Variants in NFIB observed in about 807,000 individuals in gnomAD.
The protein encoded by NFIB is nuclear factor I B.
Under a neutral mutation model 61.5 loss-of-function variants are expected in NFIB, and 11 were observed. The observed-to-expected ratio is 0.18, with a 90% CI of 0.11 to 0.30. The LOEUF is 0.30. Ranked by LOEUF, NFIB falls within the 10% of genes least tolerant of loss-of-function variation. The pLI is 1.00. For synonymous variants in NFIB, 260 were observed against 216.5 expected, an observed-to-expected ratio of 1.20 and a Z score of -1.76; for missense variants, 471 against 608.9, an observed-to-expected ratio of 0.77 and a Z score of 2.38.
intron 2 of NFIB, among the ~76,000 whole-genome samples, chr9:14,191,962 T>C (rs1405990642): frequency 1.3e-5 from 2 of 152,062 alleles, no homozygotes; most frequent in Non-Finnish European, 2.9e-5. Context: ...AAACAAGAAA[T>C]CACATCATTA....
At chr9:14,263,062 G>A (rs2056914169) in intron 2 of NFIB, among the ~76,000 whole-genome samples, 1 of 152,150 alleles carries the variant, frequency 6.6e-6, no homozygotes. Flanking sequence ...ACTGCGGCAT[G>A]CACATATCCT....
At chr9:14,378,368 T>C (rs988811034) in intron 1 of NFIB, among the ~76,000 whole-genome samples, 17 of 152,220 alleles carry the variant, frequency 1.1e-4, no homozygotes, top group African/African-American at 3.6e-4. Flanking sequence ...TCGTTCTTTT[T>C]TTGTTTTGAG....
chr9:14,269,943 T>C (rs917869403), intron 2 of NFIB, among the ~76,000 whole-genome samples: 6 of 152,198 alleles, frequency 3.9e-5, no homozygotes, highest in African/African-American at 9.7e-5. Context: ...AATGGCAAGC[T>C]ATATATATTG....
At chr9:14,374,901 C>T (rs2061399969) in intron 1 of NFIB, among the ~76,000 whole-genome samples, 1 of 151,852 alleles carries the variant, frequency 6.6e-6, no homozygotes, top group South Asian at 2.1e-4. Context: ...CAGAGCTAGA[C>T]TCTGTCTCAA....
At chr9:14,420,682 C>T in the NFIB span, among the ~76,000 whole-genome samples, 1 of 151,992 alleles carries the variant, frequency 6.6e-6, no homozygotes, top group African/African-American at 2.4e-5. Flanking sequence ...AATCCAAGGG[C>T]CCAGAAAACC....
At chr9:14,400,125 A>T (rs2061728479), upstream of NFIB, among the ~76,000 whole-genome samples, 1 of 152,132 alleles carries the variant, frequency 6.6e-6, no homozygotes, top group Admixed American at 6.6e-5. Context: ...TATTGCAAGC[A>T]GCAGAATGCA....
the NFIB span, among the ~76,000 whole-genome samples, chr9:14,463,635 A>ACAT: frequency 6.7e-6 from 1 of 148,804 alleles, no homozygotes; most frequent in Non-Finnish European, 1.5e-5. Context: ...CGGATCATTT[A>ACAT]CATGACTGAA....
the NFIB span, among the ~76,000 whole-genome samples, chr9:14,425,991 A>G: frequency 6.6e-6 from 1 of 152,116 alleles, no homozygotes; most frequent in Non-Finnish European, 1.5e-5. Context: ...TCATAGGTCT[A>G]TGTCCTTTCT....
intron 10 of NFIB, among the ~76,000 whole-genome samples, chr9:14,103,290 T>A (rs961321820): frequency 2.6e-5 from 4 of 151,080 alleles, no homozygotes; most frequent in African/African-American, 9.7e-5. Flanking sequence ...GCAGATTTAT[T>A]GAAAAGATAT....
At chr9:14,210,722 T>C (rs56254800) in intron 2 of NFIB, among the ~76,000 whole-genome samples, 20,099 of 151,972 alleles carry the variant, frequency 0.13, 1,422 homozygotes, top group African/African-American at 0.19. Flanking sequence ...ATAAGTACAA[T>C]AGAAAACATC....
intron 1 of NFIB, among the ~76,000 whole-genome samples, chr9:14,379,808 G>A (rs533971593): frequency 9.9e-5 from 15 of 152,022 alleles, no homozygotes; most frequent in East Asian, 1.9e-4. Flanking sequence ...TCAGCCTCCC[G>A]AGTAGCTGGA....
chr9:14,307,387 C>G lies in NFIB; in HGVS notation c.164G>C (p.Arg55Thr). Residue 55 changes from arginine to threonine, a missense_variant, in exon 2 of 11, where the codon AGA becomes ACA. Arg to Thr is a moderately conservative substitution (Grantham distance 71, BLOSUM62 -1). Around this residue, in one of 2 missense-constraint regions of NFIB, gnomAD observed 99 missense variants for 213.3 expected, o/e 0.46. Coordinates refer to ENST00000380953, the MANE Select transcript of NFIB (RefSeq NM_001190737.2). This position sits in a 1 kb window ranked among gnomAD's most constrained non-coding sequence, Gnocchi z 5.3. ...ACTGAGAAGCTCATCTTTGACTGCT[C>G]TTTCTTCATCCTTTGACATTCGCTT... ...HEKRMSKDEE[R>T]AVKDELLSEK... The G allele has an allele frequency of 6.2e-7, 1 of 1,614,034 alleles. No individual in the cohort carries two copies. Among genetic ancestry groups the G allele is most frequent in the Non-Finnish European group, 8.5e-7 (1 of 1,180,002 alleles).
At chr9:14,438,099 T>C in the NFIB span, among the ~76,000 whole-genome samples, 2 of 129,778 alleles carry the variant, frequency 1.5e-5, no homozygotes, top group African/African-American at 5.7e-5. Flanking sequence ...TGGTGGGGGG[T>C]AGATGAGGGG....
intron 6 of NFIB, among the ~76,000 whole-genome samples, chr9:14,144,583 T>C (rs907290962): frequency 1.3e-5 from 2 of 152,160 alleles, no homozygotes; most frequent in South Asian, 2.1e-4. Context: ...ACGCACCAAG[T>C]GTGTGTTAAG....
At chr9:14,107,090 G>C (rs1266369927) in intron 10 of NFIB, among the ~76,000 whole-genome samples, 1 of 151,892 alleles carries the variant, frequency 6.6e-6, no homozygotes, top group Admixed American at 6.6e-5. Flanking sequence ...TTTTTAAGGG[G>C]TGAAGGCTCT....
chr9:14,097,875 C>CTTTTTTTTTTTTTTT lies in NFIB; in HGVS notation c.1468-9564_1468-9550dup, dbSNP rs71321962. On this transcript the variant is annotated intron_variant, in intron 10 of 10. Transcript: ENST00000380953. ...CTTTTTTTTTCTTTCTTTCTTTTTT[C>CTTTTTTTTTTTTTTT]TTTTTTTTTTTTTTTTTTGCCCTCC... Among the ~76,000 whole-genome samples, 161 of 110,836 alleles carry CTTTTTTTTTTTTTTT rather than the reference C, an allele frequency of 1.5e-3. 1 individual carries two copies. Among genetic ancestry groups the CTTTTTTTTTTTTTTT allele is most frequent in the African/African-American group, 1.7e-3 (49 of 29,484 alleles). 72.7% of individuals were successfully genotyped at this position (110,836 alleles called of 152,430 possible).
chr9:14,510,096 A>G, the NFIB span, among the ~76,000 whole-genome samples: 3 of 152,296 alleles, frequency 2.0e-5, no homozygotes, highest in African/African-American at 7.2e-5. Context: ...GGATTTCACC[A>G]TATTGGCCAG....
At position 14,313,265 on chromosome 9, in the gene NFIB, G is replaced by A. The variant is rs1287685463; in HGVS notation, c.30+217C>T. On this transcript the variant is annotated intron_variant, in intron 1 of 10. Transcript: ENST00000380953. The surrounding 1 kb of genome is among the most constrained non-coding windows in gnomAD (Gnocchi z 4.5). ...TTGCCCGGCCCAGCGCCCGCGCTCCGTGCCCAGGGCGCGGGGCTGGGCGCT... is the reference window on the plus strand; with the variant it reads ...TTGCCCGGCCCAGCGCCCGCGCTCCATGCCCAGGGCGCGGGGCTGGGCGCT... 1.3e-5 allele frequency among the ~76,000 whole-genome samples: 2 copies of A among 151,424 alleles called. No individual in the cohort carries two copies. The highest frequency in any genetic ancestry group is 2.9e-5 in the Non-Finnish European group (2 of 67,848).
chr9:14,177,417 T>C (rs1041076151), intron 3 of NFIB, among the ~76,000 whole-genome samples: 12 of 152,252 alleles, frequency 7.9e-5, no homozygotes, highest in Middle Eastern at 6.8e-3. Context: ...TATTTCGAAG[T>C]ATTACAAAAC....
Sources: gnomAD v4.1 joint callset for allele counts (sites outside exome capture counted in the v4.1 genomes callset) on GRCh38, gnomAD v4.1.1 for gene constraint, gnomAD v4.1.1 regional missense constraint, Gnocchi (gnomAD v3.1) non-coding constraint, MANE v1.5 for transcripts, NCBI Gene and HGNC (gene_info 2026-07-23, HGNC 2026-07-21) for gene names.